The following NRG2 variants were observed in gnomAD, a reference collection of about 807,000 sequenced individuals.
The protein encoded by NRG2 is pro-neuregulin-2, membrane-bound isoform.
Under a neutral mutation model 73.9 loss-of-function variants are expected in NRG2, and 27 were observed. That is an observed-to-expected ratio of 0.37 (90% confidence interval 0.27 to 0.50). NRG2 has a LOEUF of 0.50. Among genes scored for constraint, NRG2 ranks in the 20% least tolerant of loss-of-function variants. The pLI is 0.96. For missense variants in NRG2, 1,126 were observed against 1,210.1 expected (o/e 0.93, Z 1.03); for synonymous variants, 532 against 541.0 (o/e 0.98, Z 0.23).
At chr5:139,996,348 G>A (rs965049787) in intron 1 of NRG2, among the ~76,000 whole-genome samples, 1 of 152,108 alleles carries the variant, frequency 6.6e-6, no homozygotes, top group Non-Finnish European at 1.5e-5. Flanking sequence ...TGGGGAATAC[G>A]GGAGACCACA....
chr5:139,895,117 C>T (rs928731085), intron 1 of NRG2, among the ~76,000 whole-genome samples: 2 of 152,234 alleles, frequency 1.3e-5, no homozygotes, highest in Non-Finnish European at 2.9e-5. Flanking sequence ...TCCACTGACA[C>T]CCAACTTGCA....
At chr5:140,035,954 C>T (rs1378568037) in intron 1 of NRG2, among the ~76,000 whole-genome samples, 2 of 152,150 alleles carry the variant, frequency 1.3e-5, no homozygotes, top group African/African-American at 4.8e-5. Context: ...AAACTTTCTA[C>T]AGTACCTGTG....
At chr5:139,909,645 T>C (rs1341083259) in intron 1 of NRG2, among the ~76,000 whole-genome samples, 1 of 152,072 alleles carries the variant, frequency 6.6e-6, no homozygotes, top group Non-Finnish European at 1.5e-5. Context: ...CTGAAAGTCA[T>C]GAGGCACACT....
intron 5 of NRG2, chr5:139,861,855 C>T (rs1485266093): frequency 4.3e-6 from 2 of 461,230 alleles, no homozygotes; most frequent in Admixed American, 2.3e-5. Flanking sequence ...GCTATCCAGC[C>T]ATGCTGCCCT....
At chr5:140,030,767 G>T (rs939701840) in intron 1 of NRG2, among the ~76,000 whole-genome samples, 1 of 152,188 alleles carries the variant, frequency 6.6e-6, no homozygotes, top group African/African-American at 2.4e-5. Flanking sequence ...TGCCCAGATG[G>T]TAATACTACT....
At chr5:139,898,586 T>TG (rs1292750627) in intron 1 of NRG2, among the ~76,000 whole-genome samples, 2 of 152,234 alleles carry the variant, frequency 1.3e-5, no homozygotes, top group Non-Finnish European at 2.9e-5. Flanking sequence ...AGGCAAAGCC[T>TG]GTGACCTCCT....
chr5:139,878,149 G>A (rs898620896), intron 3 of NRG2, among the ~76,000 whole-genome samples: 14 of 152,216 alleles, frequency 9.2e-5, no homozygotes, highest in African/African-American at 3.1e-4. Flanking sequence ...CACAGCAGCC[G>A]CTCCCACTTT....
chr5:139,929,765 A>G (rs144779340), intron 1 of NRG2, among the ~76,000 whole-genome samples: 175 of 152,276 alleles, frequency 1.1e-3, no homozygotes, highest in African/African-American at 4.1e-3. Context: ...AGGCCCTCCA[A>G]CAGTCTGACT....
chr5:140,024,104 G>C (rs1760469695), intron 1 of NRG2, among the ~76,000 whole-genome samples: 1 of 152,084 alleles, frequency 6.6e-6, no homozygotes, highest in Admixed American at 6.5e-5. Flanking sequence ...CCTCCCCCAA[G>C]ACTCCTGAGA....
intron 1 of NRG2, among the ~76,000 whole-genome samples, chr5:139,892,371 A>C (rs1764269102): frequency 6.6e-6 from 1 of 152,142 alleles, no homozygotes; most frequent in African/African-American, 2.4e-5. Context: ...TACTTTCTGC[A>C]TGTTAAGCTC....
intron 5 of NRG2, among the ~76,000 whole-genome samples, chr5:139,862,361 G>A (rs543186330): frequency 6.6e-6 from 1 of 152,320 alleles, no homozygotes; most frequent in East Asian, 1.9e-4. Context: ...TGGGAAGCAT[G>A]GGTTGGAACA....
At chr5:139,942,604 C>G (rs1753485309) in intron 1 of NRG2, among the ~76,000 whole-genome samples, 1 of 152,204 alleles carries the variant, frequency 6.6e-6, no homozygotes, top group South Asian at 2.1e-4. Flanking sequence ...CATCTGTCAA[C>G]TCATCCAGAG....
At chr5:139,890,478 T>TTCTTTCTTTC (rs1561659200) in intron 1 of NRG2, among the ~76,000 whole-genome samples, 4 of 147,458 alleles carry the variant, frequency 2.7e-5, no homozygotes, top group African/African-American at 1.0e-4. Context: ...TCTTTCTTTT[T>TTCTTTCTTTC]TTTTTTTTTT....
chr5:139,871,385 C>T (rs1361273196), intron 4 of NRG2, among the ~76,000 whole-genome samples: 8 of 151,098 alleles, frequency 5.3e-5, no homozygotes, highest in Non-Finnish European at 1.2e-4. Flanking sequence ...CTGAGGGAGG[C>T]AGAGAGAGAG....
At chr5:139,917,867 T>C (rs1056229814) in intron 1 of NRG2, among the ~76,000 whole-genome samples, 1 of 152,254 alleles carries the variant, frequency 6.6e-6, no homozygotes, top group Admixed American at 6.5e-5. Context: ...GATGGTATCC[T>C]TTGAAATGCA....
Position 140,042,621 on chromosome 5 carries a change from C to T in NRG2, c.449G>A (p.Arg150Gln). 6.2e-7 allele frequency: 1 copy of T among 1,607,724 alleles called. No individual in the cohort carries two copies. The highest frequency in any genetic ancestry group is 1.1e-5 in the South Asian group (1 of 90,362). Residue 150 changes from arginine (R) to glutamine (Q), a missense_variant, in exon 1 of 10, where the codon CGA becomes CAA. Transcript: ENST00000361474. ...CACCCGACCCGAGGCGGGCGGCTCTCGGGTGCTGTTGGAGCTGGAGCCGCC... is the reference window on the plus strand; with the variant it reads ...CACCCGACCCGAGGCGGGCGGCTCTTGGGTGCTGTTGGAGCTGGAGCCGCC... ...PAGGSSSNST[R>Q]EPPASGRVAL...
chr5:139,989,025 T>A (rs1757380252), intron 1 of NRG2, among the ~76,000 whole-genome samples: 1 of 152,064 alleles, frequency 6.6e-6, no homozygotes, highest in Admixed American at 6.6e-5. Context: ...TTGAATTTGT[T>A]TGAAGATTAA....
intron 1 of NRG2, among the ~76,000 whole-genome samples, chr5:139,991,498 C>T (rs928483721): frequency 1.3e-5 from 2 of 151,990 alleles, no homozygotes; most frequent in Non-Finnish European, 2.9e-5. Context: ...TTCACTCGGT[C>T]GCCCAGGCTG....
At chr5:139,891,553 G>A (rs1764210844) in intron 1 of NRG2, among the ~76,000 whole-genome samples, 1 of 151,900 alleles carries the variant, frequency 6.6e-6, no homozygotes, top group Non-Finnish European at 1.5e-5. Context: ...CAAGAAATAA[G>A]CATCCTACTG....
Sources: gnomAD v4.1 joint callset for allele counts (sites outside exome capture counted in the v4.1 genomes callset) on GRCh38, gnomAD v4.1.1 for gene constraint, MANE v1.5 for transcripts, NCBI Gene and HGNC (gene_info 2026-07-23, HGNC 2026-07-21) for gene names.